The following GRM7 variants were observed in gnomAD, a reference collection of about 807,000 sequenced individuals.
GRM7 encodes glutamate metabotropic receptor 7, also known as metabotropic glutamate receptor 7.
GRM7 carries 35 observed loss-of-function variants against 84.5 expected under a neutral mutation model. The ratio of observed to expected loss-of-function variants is 0.41; its 90% confidence interval spans 0.32 to 0.55. GRM7 has a LOEUF of 0.55. GRM7 is among the 20% of genes least tolerant of loss of function. The probability of loss-of-function intolerance (pLI) is 0.19; values close to 1 mark genes in which losing one functional copy is unlikely to be tolerated. For missense variants in GRM7, 1,003 were observed against 1,194.6 expected (o/e 0.84, Z 2.36); for synonymous variants, 487 against 455.1 (o/e 1.07, Z -0.89).
At position 7,319,056 on chromosome 3, in the gene GRM7, A is replaced by T. The variant is rs144139815; in HGVS notation, c.1033+12404A>T. Among the ~76,000 whole-genome samples, 11 of 152,200 alleles carry T rather than the reference A, an allele frequency of 7.2e-5. No homozygotes were observed. The East Asian group carries it at 2.1e-3, about 29-fold the overall frequency. Reference sequence around the variant, plus strand: ...CCTTCAACAAACTTTAATTGAGTTCAACCTAGAAATACCAGTAGGTCCTAG... The same window carrying T: ...CCTTCAACAAACTTTAATTGAGTTCTACCTAGAAATACCAGTAGGTCCTAG... On this transcript the variant is annotated intron_variant, in intron 4 of 9. Transcript: ENST00000357716.
In GRM7 at chr3:7,146,554, G is replaced by A. The variant is rs1694117435; in HGVS notation, c.622G>A (p.Ala208Thr). Reference sequence around the variant, plus strand: ...GCCACCCGATTCCTTCCAAGCCCAGGCCATGGTAGACATTGTAAAGGCCCT... The same window carrying A: ...GCCACCCGATTCCTTCCAAGCCCAGACCATGGTAGACATTGTAAAGGCCCT... ...VVPPDSFQAQ[A>T]MVDIVKALGW... Residue 208 changes from alanine (A) to threonine (T), a missense_variant, in exon 2 of 10, where the codon GCC becomes ACC. Physicochemically the swap from Ala to Thr is moderately conservative, Grantham distance 58. Transcript: ENST00000357716. 6.2e-7 allele frequency: 1 copy of A among 1,613,794 alleles called. No individual in the cohort carries two copies. The highest frequency in any genetic ancestry group is 8.5e-7 in the Non-Finnish European group (1 of 1,179,926).
chr3:7,497,595 A>G (rs1699751091), intron 7 of GRM7, among the ~76,000 whole-genome samples: 1 of 152,126 alleles, frequency 6.6e-6, no homozygotes, highest in Non-Finnish European at 1.5e-5. Flanking sequence ...GTTCTTTTTC[A>G]TGTAATTCTT....
intron 1 of GRM7, among the ~76,000 whole-genome samples, chr3:7,143,876 G>A (rs547777823): frequency 6.6e-6 from 1 of 152,174 alleles, no homozygotes; most frequent in South Asian, 2.1e-4. Context: ...GTGAGGGAAA[G>A]CCTCTCTCTC....
intron 7 of GRM7, among the ~76,000 whole-genome samples, chr3:7,530,571 G>A (rs1700998575): frequency 6.6e-6 from 1 of 152,162 alleles, no homozygotes. Flanking sequence ...CGGTATAAAA[G>A]TGTTCCTATT....
chr3:7,228,445 AAC>A (rs1697054307), intron 2 of GRM7, among the ~76,000 whole-genome samples: 1 of 152,228 alleles, frequency 6.6e-6, no homozygotes, highest in African/African-American at 2.4e-5. Flanking sequence ...GGAATTTCAG[AAC>A]ACAACATCTT....
intron 4 of GRM7, among the ~76,000 whole-genome samples, chr3:7,370,370 G>A (rs182563750): frequency 3.9e-5 from 6 of 152,162 alleles, no homozygotes; most frequent in African/African-American, 9.6e-5. Context: ...ATATGATTTC[G>A]TAGTGTCTTC....
intron 8 of GRM7, among the ~76,000 whole-genome samples, chr3:7,620,498 G>A (rs1387297059): frequency 6.6e-6 from 1 of 152,134 alleles, no homozygotes; most frequent in African/African-American, 2.4e-5. Flanking sequence ...AAGCTACACT[G>A]AGGAGAGTGA....
At chr3:7,571,283 A>G (rs1575507272) in intron 7 of GRM7, among the ~76,000 whole-genome samples, 1 of 152,084 alleles carries the variant, frequency 6.6e-6, no homozygotes, top group Non-Finnish European at 1.5e-5. Flanking sequence ...TTTTTATTGC[A>G]TTGCCAGGCT....
chr3:7,567,407 G>A (rs1483208891), intron 7 of GRM7, among the ~76,000 whole-genome samples: 1 of 152,142 alleles, frequency 6.6e-6, no homozygotes, highest in Non-Finnish European at 1.5e-5. Flanking sequence ...AAAGTAAGAT[G>A]TGTATTGCTG....
In GRM7 at chr3:7,218,375, T is replaced by C. The variant is rs192606403; in HGVS notation, c.736+71707T>C. Among the ~76,000 whole-genome samples the C allele has an allele frequency of 3.5e-3, 526 of 152,264 alleles. 1 individual carries two copies. Among genetic ancestry groups the C allele is most frequent in the African/African-American group, 0.012 (500 of 41,576 alleles). ...ATTTCTAGTAAAATTAAAAATGTTT[T>C]ATACATTTATTTTCAATTTGTGTTT... On this transcript the variant is annotated intron_variant, in intron 2 of 9. Coordinates refer to ENST00000357716, the MANE Select transcript of GRM7 (RefSeq NM_000844.4).
At chr3:7,269,654 A>T (rs1575104397) in intron 2 of GRM7, among the ~76,000 whole-genome samples, 1 of 152,232 alleles carries the variant, frequency 6.6e-6, no homozygotes, top group East Asian at 1.9e-4. Flanking sequence ...GGTGATGTAC[A>T]TGCATGAAGA....
At chr3:7,008,107 G>A (rs1328883222) in intron 1 of GRM7, among the ~76,000 whole-genome samples, 3 of 43,968 alleles carry the variant, frequency 6.8e-5, no homozygotes, top group Non-Finnish European at 1.5e-4. Context: ...AGATAACAAT[G>A]AGAATGCGTT....
intron 7 of GRM7, among the ~76,000 whole-genome samples, chr3:7,514,877 A>G (rs1008519956): frequency 5.3e-5 from 8 of 152,134 alleles, no homozygotes; most frequent in Admixed American, 5.2e-4. Context: ...AACTTTGCTC[A>G]GATTTTAATT....
chr3:7,224,068 T>G (rs936168253), intron 2 of GRM7, among the ~76,000 whole-genome samples: 3 of 152,190 alleles, frequency 2.0e-5, no homozygotes, highest in African/African-American at 7.2e-5. Context: ...ATATCCAACT[T>G]GGTATTAGTC....
rs534907958 is a variant in GRM7 at position 6,980,148 on chromosome 3, T to C, written c.519+118241T>C. Among the ~76,000 whole-genome samples the C allele has an allele frequency of 7.2e-5, 11 of 152,266 alleles. No individual in the cohort carries two copies. In the South Asian group the frequency reaches 2.1e-3, roughly 29 times the overall value. On this transcript the variant is annotated intron_variant, in intron 1 of 9. Transcript: ENST00000357716. The stretch of plus-strand genomic sequence containing the variant: ...CTTTCTGCCTTCCATTCTTTCATTC[T>C]TTCACTCTTTCTTTCTTGAGTTCTA...
intron 6 of GRM7, among the ~76,000 whole-genome samples, chr3:7,460,502 T>A (rs1281148321): frequency 6.6e-6 from 1 of 152,212 alleles, no homozygotes; most frequent in Non-Finnish European, 1.5e-5. Flanking sequence ...TGGCTGAATC[T>A]GTGTGTGGCC....
chr3:6,984,411 A>T (rs948313618), intron 1 of GRM7, among the ~76,000 whole-genome samples: 1 of 152,224 alleles, frequency 6.6e-6, no homozygotes, highest in African/African-American at 2.4e-5. Context: ...TTACAATGGC[A>T]GTCCTTAGTA....
chr3:7,487,724 C>T (rs534177836), intron 7 of GRM7, among the ~76,000 whole-genome samples: 123 of 152,278 alleles, frequency 8.1e-4, no homozygotes, highest in African/African-American at 2.6e-3. Flanking sequence ...AGGATGTATC[C>T]GGAAGACTGG....
At chr3:7,057,717 G>C (rs1697277409) in intron 1 of GRM7, among the ~76,000 whole-genome samples, 1 of 152,016 alleles carries the variant, frequency 6.6e-6, no homozygotes, top group South Asian at 2.1e-4. Flanking sequence ...TTTCCAGCTG[G>C]AGAAATGGAG....
Sources: gnomAD v4.1 joint callset for allele counts (sites outside exome capture counted in the v4.1 genomes callset) on GRCh38, gnomAD v4.1.1 for gene constraint, MANE v1.5 for transcripts, NCBI Gene and HGNC (gene_info 2026-07-23, HGNC 2026-07-21) for gene names.